The following NALF1 variants were observed in gnomAD, a reference collection of about 807,000 sequenced individuals.
The protein encoded by NALF1 is NALCN channel auxiliary factor 1.
Under a neutral mutation model 48.4 loss-of-function variants are expected in NALF1, and 3 were observed. The ratio of observed to expected loss-of-function variants is 0.06; its 90% confidence interval spans 0.03 to 0.16. NALF1 has a LOEUF of 0.16. Among genes scored for constraint, NALF1 ranks in the 10% least tolerant of loss-of-function variants. The pLI, the probability that NALF1 is intolerant of heterozygous loss-of-function variation, is 1.00. For missense variants in NALF1, 526 were observed against 571.5 expected (o/e 0.92, Z 0.81); for synonymous variants, 262 against 245.7 (o/e 1.07, Z -0.62).
At chr13:107,570,490 T>G (rs1877952926) in intron 1 of NALF1, among the ~76,000 whole-genome samples, 1 of 151,748 alleles carries the variant, frequency 6.6e-6, no homozygotes, top group African/African-American at 2.4e-5. Flanking sequence ...TGGATTAGAT[T>G]GATTTTCAAA....
intron 1 of NALF1, among the ~76,000 whole-genome samples, chr13:107,778,796 G>A (rs1369085979): frequency 6.6e-6 from 1 of 152,016 alleles, no homozygotes. Context: ...AGGTCAGTAA[G>A]GGCTCCCTCA....
At chr13:107,180,701 A>G (rs1344135070) in intron 2 of NALF1, among the ~76,000 whole-genome samples, 1 of 151,816 alleles carries the variant, frequency 6.6e-6, no homozygotes, top group African/African-American at 2.4e-5. Context: ...GTGAAATTGT[A>G]GCTACTTTGC....
At chr13:107,624,765 T>C (rs1879621523) in intron 1 of NALF1, among the ~76,000 whole-genome samples, 1 of 152,328 alleles carries the variant, frequency 6.6e-6, no homozygotes. Flanking sequence ...CCTCACTGCA[T>C]TAAGCTCTTC....
At chr13:107,819,148 T>C (rs1189899780) in intron 1 of NALF1, among the ~76,000 whole-genome samples, 1 of 151,902 alleles carries the variant, frequency 6.6e-6, no homozygotes, top group Admixed American at 6.6e-5. Flanking sequence ...CTTAACCTGA[T>C]GTCTTGAAGA....
intron 1 of NALF1, among the ~76,000 whole-genome samples, chr13:107,348,420 ATCTT>A (rs1882812470): frequency 6.6e-6 from 1 of 152,178 alleles, no homozygotes; most frequent in African/African-American, 2.4e-5. Context: ...TATAATGAAA[ATCTT>A]AATTTTTTTT....
intron 1 of NALF1, among the ~76,000 whole-genome samples, chr13:107,599,909 C>A (rs1437825740): frequency 1.3e-5 from 2 of 152,054 alleles, no homozygotes; most frequent in Non-Finnish European, 1.5e-5. Context: ...TAGTTGTGTA[C>A]AACGAGTCAT....
At chr13:107,432,773 A>G (rs1236381291) in intron 1 of NALF1, among the ~76,000 whole-genome samples, 1 of 152,092 alleles carries the variant, frequency 6.6e-6, no homozygotes, top group Non-Finnish European at 1.5e-5. Flanking sequence ...TACCTATGCT[A>G]TCTTCATTTT....
chr13:107,340,978 TAGTC>T (rs1566489902), intron 1 of NALF1, among the ~76,000 whole-genome samples: 1 of 152,084 alleles, frequency 6.6e-6, no homozygotes, highest in Non-Finnish European at 1.5e-5. Context: ...GAATCAAAGG[TAGTC>T]AGAAAGATTC....
intron 1 of NALF1, among the ~76,000 whole-genome samples, chr13:107,497,515 A>G (rs1490158174): frequency 6.6e-6 from 1 of 152,202 alleles, no homozygotes; most frequent in Non-Finnish European, 1.5e-5. Context: ...TTTATCTGCC[A>G]TGCTCAGGAA....
chr13:107,299,468 T>TAATAATAATAATAATAATA (rs1330450182), intron 1 of NALF1, among the ~76,000 whole-genome samples: 1 of 59,210 alleles, frequency 1.7e-5, no homozygotes, highest in African/African-American at 4.0e-5. Flanking sequence ...ATAATAATAA[T>TAATAATAATAATAATAATA]AATAAATAAA....
chr13:107,748,467 T>G (rs1317905728), intron 1 of NALF1, among the ~76,000 whole-genome samples: 2 of 152,228 alleles, frequency 1.3e-5, no homozygotes, highest in African/African-American at 4.8e-5. Flanking sequence ...ACATGTATAG[T>G]ATTTATAAAT....
At chr13:107,471,575 T>G (rs753455087) in intron 1 of NALF1, among the ~76,000 whole-genome samples, 8 of 152,336 alleles carry the variant, frequency 5.3e-5, no homozygotes, top group Admixed American at 1.3e-4. Context: ...TTTTAATTAC[T>G]AAGAAATTAT....
At chr13:107,494,487 C>T (rs1011403430) in intron 1 of NALF1, among the ~76,000 whole-genome samples, 1 of 152,120 alleles carries the variant, frequency 6.6e-6, no homozygotes, top group Non-Finnish European at 1.5e-5. Flanking sequence ...TGGCATAGAA[C>T]GGTCTATCCA....
At chr13:107,824,874 TCA>T (rs1474008209) in intron 1 of NALF1, among the ~76,000 whole-genome samples, 3 of 152,216 alleles carry the variant, frequency 2.0e-5, no homozygotes, top group Non-Finnish European at 4.4e-5. Flanking sequence ...CTTACGAGTT[TCA>T]GTTTGCCACT....
At chr13:107,457,739 T>C (rs1451362700) in intron 1 of NALF1, among the ~76,000 whole-genome samples, 1 of 152,220 alleles carries the variant, frequency 6.6e-6, no homozygotes, top group African/African-American at 2.4e-5. Flanking sequence ...TTGAGACATT[T>C]GTTTTGGTTA....
chr13:107,861,951 G>A (rs1191951632), intron 1 of NALF1, among the ~76,000 whole-genome samples: 1 of 152,126 alleles, frequency 6.6e-6, no homozygotes. Context: ...CCTAATACTT[G>A]CAAGGTATCC....
chr13:107,645,658 C>T (rs965752584), intron 1 of NALF1, among the ~76,000 whole-genome samples: 5 of 142,988 alleles, frequency 3.5e-5, no homozygotes, highest in African/African-American at 5.3e-5. Context: ...TCTGTCTCTA[C>T]CACCATGCAA....
At chr13:107,604,129 T>C (rs1055811674) in intron 1 of NALF1, among the ~76,000 whole-genome samples, 3 of 152,174 alleles carry the variant, frequency 2.0e-5, no homozygotes, top group Admixed American at 1.3e-4. Flanking sequence ...AAAATATTAA[T>C]ACCGTTCCTC....
At chr13:107,427,549 G>A (rs1416052947) in intron 1 of NALF1, among the ~76,000 whole-genome samples, 1 of 151,958 alleles carries the variant, frequency 6.6e-6, no homozygotes, top group Admixed American at 6.5e-5. Flanking sequence ...TTTTTCAAGT[G>A]AGTTAACTTT....
Sources: allele counts gnomAD v4.1 joint callset (sites outside exome capture counted in the v4.1 genomes callset), GRCh38; gene constraint gnomAD v4.1.1; transcripts MANE v1.5; gene names NCBI Gene and HGNC (gene_info 2026-07-23, HGNC 2026-07-21).